NTM: variants seen among roughly 807,000 people sequenced by gnomAD.
The protein encoded by NTM is neurotrimin.
A neutral mutation model predicts 42.1 loss-of-function variants in NTM; 13 were observed. The ratio of observed to expected loss-of-function variants is 0.31; its 90% CI spans 0.20 to 0.49. The LOEUF is 0.49. Ranked by LOEUF, NTM falls within the 20% of genes least tolerant of loss-of-function variation. NTM has a pLI of 0.99. For missense variants in NTM, 373 were observed against 452.8 expected, an observed-to-expected ratio of 0.82 and a Z score of 1.60; for synonymous variants, 187 against 179.2, an observed-to-expected ratio of 1.04 and a Z score of -0.35.
chr11:132,242,576 C>T (rs1452152433), intron 4 of NTM, among the ~76,000 whole-genome samples: 19 of 152,226 alleles, frequency 1.2e-4, no homozygotes. Flanking sequence ...CTCAGGTGCC[C>T]TTAGGCCTGC....
chr11:132,105,030 C>T (rs2062176860), intron 2 of NTM, among the ~76,000 whole-genome samples: 1 of 135,846 alleles, frequency 7.4e-6, no homozygotes, highest in African/African-American at 2.8e-5. Flanking sequence ...ACATTTGAGT[C>T]AAACAAGGAA....
chr11:131,432,835 C>T (rs1250760220), intron 1 of NTM, among the ~76,000 whole-genome samples: 4 of 96,196 alleles, frequency 4.2e-5, no homozygotes, highest in African/African-American at 1.6e-4. Flanking sequence ...GAAGATTTAG[C>T]ATTCTTTTTT....
chr11:132,010,342 C>G (rs2071846138), intron 2 of NTM, among the ~76,000 whole-genome samples: 1 of 152,142 alleles, frequency 6.6e-6, no homozygotes, highest in Non-Finnish European at 1.5e-5. Context: ...ATAAGGATTT[C>G]TTTTCTCTGA....
In NTM at chr11:132,217,357, TC is replaced by T. The variant is rs1300819024; in HGVS notation, c.526+5211del. 4.9e-3 allele frequency among the ~76,000 whole-genome samples: 634 copies of T among 130,190 alleles called. 8 individuals are homozygous for T. Among genetic ancestry groups the T allele is most frequent in the African/African-American group, 0.017 (612 of 35,404 alleles). The allele number at this position is 130,190 out of a possible 152,430, so 85.4% of individuals were successfully genotyped here. On this transcript the variant is annotated intron_variant, in intron 4 of 8. Transcript: ENST00000683400. ...GCCTCTTTCTCTCTCTCTCTCTCTT[TC>T]TGTGTGTGTGTGTGTGTGTGTGTGT...
At chr11:132,078,657 C>T (rs886336841) in intron 2 of NTM, among the ~76,000 whole-genome samples, 9 of 152,140 alleles carry the variant, frequency 5.9e-5, no homozygotes, top group Non-Finnish European at 1.2e-4. Context: ...TTTTTCTAAA[C>T]GTTTTACATT....
chr11:132,157,900 G>T (rs144181466), intron 3 of NTM, among the ~76,000 whole-genome samples: 275 of 152,202 alleles, frequency 1.8e-3, no homozygotes, highest in Middle Eastern at 3.4e-3. Context: ...TCAATCCTGA[G>T]CACGTCCTGC....
rs1270002350 is a variant in NTM, at chr11:132,079,718, A to G, written c.168-66564A>G. Among the ~76,000 whole-genome samples the G allele has an allele frequency of 1.6e-4, 24 of 152,210 alleles. 1 individual carries two copies. Among genetic ancestry groups the G allele is most frequent in the Admixed American group, 1.5e-3 (23 of 15,286 alleles). ...AACCTGGTTGCATGTTCCTGACACT[A>G]AAAGTGTACACAATGTTCTGGATGG... On this transcript the variant is annotated intron_variant, in intron 2 of 8. Coordinates refer to ENST00000683400, the MANE Select transcript of NTM (RefSeq NM_001352005.2).
chr11:131,539,844 C>A (rs190105888), intron 1 of NTM, among the ~76,000 whole-genome samples: 7 of 152,112 alleles, frequency 4.6e-5, no homozygotes, highest in Admixed American at 1.3e-4. Flanking sequence ...AATGAGAGGC[C>A]CTATGTTATC....
intron 1 of NTM, among the ~76,000 whole-genome samples, chr11:131,602,327 G>A (rs758880410): frequency 3.3e-5 from 5 of 152,016 alleles, no homozygotes; most frequent in South Asian, 4.2e-4. Flanking sequence ...GGTTTCCATC[G>A]CCATGCAGTG....
chr11:132,271,346 C>G (rs1408036983), intron 4 of NTM, among the ~76,000 whole-genome samples: 1 of 152,114 alleles, frequency 6.6e-6, no homozygotes, highest in East Asian at 1.9e-4. Context: ...GTGAGTAATA[C>G]TGTTATGAAC....
rs184724617 is a variant in NTM at position 132,002,589 on chromosome 11, A to G, written c.167+90941A>G. 2.8e-4 allele frequency among the ~76,000 whole-genome samples: 42 copies of G among 152,336 alleles called. No individual in the cohort carries two copies. The highest frequency in any genetic ancestry group is 9.9e-4 in the African/African-American group (41 of 41,578). The stretch of plus-strand genomic sequence containing the variant: ...TTGGAGGCTTCTGGCCATTGCTTGA[A>G]TAACTTTCTGCCTCTAGTATCCCCA... On this transcript the variant is annotated intron_variant, in intron 2 of 8. Coordinates refer to ENST00000683400, the MANE Select transcript of NTM (RefSeq NM_001352005.2). This position sits in a 1 kb window ranked among gnomAD's most constrained non-coding sequence, Gnocchi z 4.5.
At chr11:131,609,894 G>A (rs1417135995) in intron 1 of NTM, among the ~76,000 whole-genome samples, 1 of 152,170 alleles carries the variant, frequency 6.6e-6, no homozygotes, top group African/African-American at 2.4e-5. Flanking sequence ...GGTTGGCAGA[G>A]CTCAGGTTAC....
In NTM at chr11:131,386,699, G is replaced by A. The variant is rs1289163738; in HGVS notation, c.82+15811G>A. Among the ~76,000 whole-genome samples the A allele has an allele frequency of 2.6e-5, 4 of 152,212 alleles. No individual in the cohort carries two copies. In the East Asian group the frequency reaches 7.7e-4, roughly 29 times the overall value. ...TATACCTGCAGCCTGGTTTTTCCAA[G>A]AGAGCAAAAAGGACTAAGCTAGTTG... On this transcript the variant is annotated intron_variant, in intron 1 of 8. Coordinates refer to ENST00000683400, the MANE Select transcript of NTM (RefSeq NM_001352005.2).
At chr11:131,792,769 C>G (rs1326675028) in intron 1 of NTM, among the ~76,000 whole-genome samples, 1 of 152,150 alleles carries the variant, frequency 6.6e-6, no homozygotes, top group Non-Finnish European at 1.5e-5. Context: ...ATCTGGCTTT[C>G]CAGTTAAGAA....
At chr11:131,452,019 GCC>G (rs1950525703) in intron 1 of NTM, among the ~76,000 whole-genome samples, 1 of 152,148 alleles carries the variant, frequency 6.6e-6, no homozygotes, top group Non-Finnish European at 1.5e-5. Context: ...CTGGGCTGCC[GCC>G]CCCTTCCCTG....
At chr11:131,700,320 A>G (rs545950739) in intron 1 of NTM, among the ~76,000 whole-genome samples, 6 of 152,240 alleles carry the variant, frequency 3.9e-5, no homozygotes, top group African/African-American at 1.4e-4. Context: ...CTCAAAATCA[A>G]TTGTATGCCT....
chr11:131,789,918 T>C (rs573711798), intron 1 of NTM, among the ~76,000 whole-genome samples: 30 of 124,002 alleles, frequency 2.4e-4, no homozygotes, highest in East Asian at 7.3e-4. Flanking sequence ...ATCGCGCCAC[T>C]GCACTCCAGC....
intron 1 of NTM, among the ~76,000 whole-genome samples, chr11:131,445,180 C>T (rs1450796362): frequency 6.6e-6 from 1 of 152,206 alleles, no homozygotes; most frequent in Non-Finnish European, 1.5e-5. Context: ...GATTAGAGCA[C>T]ACTGCATGCT....
At chr11:131,442,582 C>T (rs368510997) in intron 1 of NTM, among the ~76,000 whole-genome samples, 7 of 152,096 alleles carry the variant, frequency 4.6e-5, no homozygotes, top group African/African-American at 9.7e-5. Context: ...CATCTTCCCC[C>T]CTTTTGGAGT....
Sources: gnomAD v4.1 joint callset for allele counts (sites outside exome capture counted in the v4.1 genomes callset) on GRCh38, gnomAD v4.1.1 for gene constraint, Gnocchi (gnomAD v3.1) non-coding constraint, MANE v1.5 for transcripts, NCBI Gene and HGNC (gene_info 2026-07-23, HGNC 2026-07-21) for gene names.